Variants in FAM72D observed in about 807,000 individuals in gnomAD.
FAM72D encodes protein FAM72D.
For synonymous variants in FAM72D, 4 were observed against 35.1 expected (o/e 0.11, Z 3.13); for missense variants, 9 against 104.7 (o/e 0.09, Z 3.99).
rs587737316 is a variant in FAM72D, at chr1:145,100,871, A to C, written c.230+1806A>C. 1.9e-4 allele frequency among the ~76,000 whole-genome samples: 28 copies of C among 149,712 alleles called. No homozygotes were observed. In the East Asian group the frequency reaches 5.5e-3, roughly 29 times the overall value. ...GGCTGGTCTCAAACTCCTGACCTCA[A>C]GTGATCCACCTGCCTCGGCCTCCCA... is the stretch of plus-strand genomic sequence containing the variant. On this transcript the variant is annotated intron_variant, in intron 2 of 3. Coordinates refer to ENST00000400889, the MANE Select transcript of FAM72D (RefSeq NM_207418.3).
At chr1:145,105,852 TA>T (rs1553638387) in intron 3 of FAM72D, among the ~76,000 whole-genome samples, 1 of 135,674 alleles carries the variant, frequency 7.4e-6, no homozygotes, top group Admixed American at 7.5e-5. Context: ...CTTGGGAGGC[TA>T]AGGCAGGAGA....
At chr1:145,097,161 G>A (rs587775723) in intron 1 of FAM72D, among the ~76,000 whole-genome samples, 162 bp downstream of exon 1, 1 of 145,318 alleles carries the variant, frequency 6.9e-6, no homozygotes, top group South Asian at 2.1e-4. Context: ...CAGACTGTCT[G>A]GACAAAGTCT....
intron 3 of FAM72D, among the ~76,000 whole-genome samples, chr1:145,107,265 GAC>G (rs1654966838): frequency 7.8e-6 from 1 of 128,782 alleles, no homozygotes; most frequent in Admixed American, 7.8e-5. Context: ...TTTTTTTTGA[GAC>G]AGAGTTTCAC....
intron 3 of FAM72D, among the ~76,000 whole-genome samples, chr1:145,105,722 G>T (rs1362427683): frequency 1.3e-5 from 2 of 150,746 alleles, no homozygotes; most frequent in Non-Finnish European, 3.0e-5. Context: ...GGAGGCCAAG[G>T]CGGGCAGATC....
At chr1:145,101,248 A>AT (rs1553637919) in intron 2 of FAM72D, among the ~76,000 whole-genome samples, 1 of 138,130 alleles carries the variant, frequency 7.2e-6, no homozygotes, top group African/African-American at 2.9e-5. Context: ...GAAGAACAAC[A>AT]TTTTCAAAAG....
In FAM72D at chr1:145,104,054, G is replaced by A. The variant is rs1267958450; in HGVS notation, c.355+923G>A. ...TCGTCCCAGCTACCCAGGAGGCTGA[G>A]GTGGGAGGATCACTTGAATTTGGGA... On this transcript the variant is annotated intron_variant, in intron 3 of 3. Transcript: ENST00000400889. Among the ~76,000 whole-genome samples, 17 of 143,530 alleles carry A rather than the reference G, an allele frequency of 1.2e-4. 1 individual carries two copies. The highest frequency in any genetic ancestry group is 4.6e-4 in the African/African-American group (17 of 36,670). The allele number at this position is 143,530 out of a possible 152,430, so 94.2% of individuals were successfully genotyped here. A position where few individuals can be genotyped will look rare whatever the true frequency, so the allele number is the denominator to read the frequency against.
At chr1:145,101,076 G>A (rs1488804544) in intron 2 of FAM72D, among the ~76,000 whole-genome samples, 2 of 150,044 alleles carry the variant, frequency 1.3e-5, no homozygotes, top group African/African-American at 2.5e-5. Flanking sequence ...CGAGTAGCTG[G>A]GACTACAGGC....
intron 2 of FAM72D, among the ~76,000 whole-genome samples, chr1:145,100,832 C>T (rs1449697949): frequency 5.3e-5 from 8 of 150,658 alleles, no homozygotes; most frequent in East Asian, 3.9e-4. Context: ...GACAGGATTT[C>T]GCCATGTTAG....
At chr1:145,105,968 AAAAG>A (rs1477336011) in intron 3 of FAM72D, among the ~76,000 whole-genome samples, 1 of 149,808 alleles carries the variant, frequency 6.7e-6, no homozygotes, top group Non-Finnish European at 1.5e-5. Flanking sequence ...AAAAAAAAAG[AAAAG>A]AAAAGAAAAA....
chr1:145,106,743 A>AAT (rs1250211065), intron 3 of FAM72D, among the ~76,000 whole-genome samples: 6 of 107,924 alleles, frequency 5.6e-5, no homozygotes, highest in African/African-American at 1.4e-4. Flanking sequence ...AGATCACCAT[A>AAT]ATATATATAA....
At chr1:145,105,700 C>T (rs1461118638) in intron 3 of FAM72D, among the ~76,000 whole-genome samples, 1 of 150,558 alleles carries the variant, frequency 6.6e-6, no homozygotes, top group Non-Finnish European at 1.5e-5. Context: ...CGCCTGTAAT[C>T]CCAGCAGTTT....
At chr1:145,097,137 T>C (rs1486181002) in intron 1 of FAM72D, 138 bp downstream of exon 1, 2 of 1,531,530 alleles carry the variant, frequency 1.3e-6, no homozygotes, top group Admixed American at 1.7e-5. Context: ...CCCCTTGTAA[T>C]ATATCTAAGT....
intron 3 of FAM72D, among the ~76,000 whole-genome samples, chr1:145,105,362 G>C (rs1431933538): frequency 5.5e-5 from 3 of 54,558 alleles, no homozygotes; most frequent in Admixed American, 2.1e-4. Flanking sequence ...CCTTCCAATA[G>C]AAGGCTGTTT....
At chr1:145,106,057 T>C (rs1553638413) in intron 3 of FAM72D, among the ~76,000 whole-genome samples, 1 of 137,790 alleles carries the variant, frequency 7.3e-6, no homozygotes, top group African/African-American at 2.7e-5. Flanking sequence ...AGCTTCTACA[T>C]CTGCACTTTT....
intron 3 of FAM72D, among the ~76,000 whole-genome samples, chr1:145,104,329 CAATG>C (rs1460981044): frequency 6.8e-6 from 1 of 146,450 alleles, no homozygotes; most frequent in Non-Finnish European, 1.5e-5. Context: ...AATAAGACAA[CAATG>C]AGGTTTGCCG....
intron 1 of FAM72D, among the ~76,000 whole-genome samples, 160 bp downstream of exon 1, chr1:145,097,159 C>G (rs1654503203): frequency 6.9e-6 from 1 of 145,394 alleles, no homozygotes; most frequent in Non-Finnish European, 1.5e-5. Context: ...GGCAGACTGT[C>G]TGGACAAAGT....
chr1:145,101,078 A>C (rs1654687075), intron 2 of FAM72D, among the ~76,000 whole-genome samples: 1 of 149,968 alleles, frequency 6.7e-6, no homozygotes, highest in Non-Finnish European at 1.5e-5. Context: ...AGTAGCTGGG[A>C]CTACAGGCAC....
At chr1:145,102,345 C>T (rs1196320288) in intron 2 of FAM72D, among the ~76,000 whole-genome samples, 4 of 40,870 alleles carry the variant, frequency 9.8e-5, no homozygotes, top group Non-Finnish European at 2.0e-4. Context: ...ATAGCAAAAA[C>T]CTTTACCCAC....
rs1331345673 is a variant in FAM72D at position 145,099,939 on chromosome 1, ATTT to A, written c.230+891_230+893del. Among the ~76,000 whole-genome samples the A allele has an allele frequency of 3.3e-4, 29 of 86,764 alleles. 1 individual carries two copies. Among genetic ancestry groups the A allele is most frequent in the African/African-American group, 1.4e-3 (27 of 19,660 alleles). The allele number at this position is 86,764 out of a possible 152,430, so 56.9% of individuals were successfully genotyped here. ...ATGCACGCACCACCATGCCCAGCTA[ATTT>A]TTTTTTTTTTTTTTTTAGTAGAGAC... is the stretch of plus-strand genomic sequence containing the variant. On this transcript the variant is annotated intron_variant, in intron 2 of 3. Coordinates refer to ENST00000400889, the MANE Select transcript of FAM72D (RefSeq NM_207418.3).
Sources: gnomAD v4.1 joint callset for allele counts (sites outside exome capture counted in the v4.1 genomes callset) on GRCh38, gnomAD v4.1.1 for gene constraint, MANE v1.5 for transcripts, NCBI Gene and HGNC (gene_info 2026-07-23, HGNC 2026-07-21) for gene names.